The following SPAG17 variants were observed in gnomAD, a reference collection of about 807,000 sequenced individuals.
SPAG17 encodes sperm-associated antigen 17.
In SPAG17, 169 loss-of-function variants were observed where a neutral mutation model predicts 273.6. That is an observed-to-expected ratio of 0.62 (90% CI 0.55 to 0.70). SPAG17 has a LOEUF of 0.70. Ranked by LOEUF, SPAG17 falls within the 30% of genes least tolerant of loss-of-function variation. The probability of loss-of-function intolerance (pLI) is 0.00; values close to 1 mark genes in which losing one functional copy is unlikely to be tolerated. For missense variants in SPAG17, 2,557 were observed against 2,627.8 expected, an observed-to-expected ratio of 0.97 and a Z score of 0.59; for synonymous variants, 825 against 873.2, an observed-to-expected ratio of 0.94 and a Z score of 0.97.
chr1:118,023,599 G>T, intron 27 of SPAG17, 136 bp from the exon 28 acceptor site: 1 of 647,760 alleles, frequency 1.5e-6, no homozygotes, highest in Non-Finnish European at 2.4e-6. Context: ...TCCAGACCCA[G>T]CAGCACAAAG....
intron 4 of SPAG17, among the ~76,000 whole-genome samples, chr1:118,103,947 G>A (rs773276852): frequency 6.6e-6 from 1 of 151,972 alleles, no homozygotes; most frequent in Non-Finnish European, 1.5e-5. Context: ...AATTAGCAGT[G>A]GAGGTGCAGA....
intron 1 of SPAG17, among the ~76,000 whole-genome samples, chr1:118,155,821 T>G (rs1345770360): frequency 6.6e-6 from 1 of 152,206 alleles, no homozygotes; most frequent in Non-Finnish European, 1.5e-5. Flanking sequence ...GGACAGGGAT[T>G]TGTGAATGTC....
intron 1 of SPAG17, among the ~76,000 whole-genome samples, chr1:118,173,043 A>T (rs910863568): frequency 6.6e-6 from 1 of 152,064 alleles, no homozygotes; most frequent in Non-Finnish European, 1.5e-5. Flanking sequence ...GAAAAAGAAA[A>T]TCAGAATTTA....
At chr1:117,990,788 C>T (rs1352871046) in intron 38 of SPAG17, 73 bp downstream of exon 38, 6 of 952,344 alleles carry the variant, frequency 6.3e-6, no homozygotes, top group African/African-American at 1.7e-5. Flanking sequence ...AAGAGAATGA[C>T]CGATAAGTGT....
intron 32 of SPAG17, among the ~76,000 whole-genome samples, chr1:118,002,317 G>A (rs1191283318): frequency 3.3e-5 from 5 of 152,176 alleles, no homozygotes; most frequent in African/African-American, 1.2e-4. Context: ...GGGGCGGAGA[G>A]TTCTGTAGAT....
At chr1:117,970,186 G>A in intron 45 of SPAG17, 70 bp from the exon 46 acceptor site, 1 of 1,467,698 alleles carries the variant, frequency 6.8e-7, no homozygotes, top group Non-Finnish European at 9.3e-7. Context: ...AAGCTGGGAT[G>A]TTATAAAATA....
intron 28 of SPAG17, among the ~76,000 whole-genome samples, chr1:118,018,529 C>T (rs1660181457): frequency 6.6e-6 from 1 of 152,066 alleles, no homozygotes; most frequent in Non-Finnish European, 1.5e-5. Flanking sequence ...AGCCAAAGTC[C>T]TTTATAAAGA....
At chr1:117,986,892 A>G (rs1656475180) in intron 40 of SPAG17, among the ~76,000 whole-genome samples, 1 of 152,098 alleles carries the variant, frequency 6.6e-6, no homozygotes, top group South Asian at 2.1e-4. Flanking sequence ...GGATTTTCTG[A>G]CCTTCCCCTG....
At position 117,981,330 on chromosome 1, in the gene SPAG17, C is replaced by T. The variant is rs369141183; in HGVS notation, c.5944G>A (p.Ala1982Thr). The T allele has an allele frequency of 6.2e-7, 1 of 1,602,138 alleles. No homozygotes were observed. The highest frequency in any genetic ancestry group is 1.8e-5 in the Admixed American group (1 of 55,846). ...TGAGCAGTGAAATCCTTCTTATCTG[C>T]AGAAATCTCTGGTTTTGGAAGACTA... ...VPSLPKPEIS[A>T]DKKDFTAQNQ... Residue 1982 changes from alanine (A) to threonine (T), a missense_variant, in exon 43 of 49, where the codon GCA becomes ACA. Coordinates refer to ENST00000336338, the MANE Select transcript of SPAG17 (RefSeq NM_206996.4).
At chr1:118,157,289 A>G (rs527507962) in intron 1 of SPAG17, among the ~76,000 whole-genome samples, 3 of 152,160 alleles carry the variant, frequency 2.0e-5, no homozygotes, top group Non-Finnish European at 4.4e-5. Context: ...AAGCAGATTT[A>G]TTCCCTCTAT....
At chr1:118,025,890 C>G (rs1239341683) in intron 26 of SPAG17, among the ~76,000 whole-genome samples, 1 of 152,136 alleles carries the variant, frequency 6.6e-6, no homozygotes, top group African/African-American at 2.4e-5. Flanking sequence ...TTGTTACATT[C>G]AAAGGTAGTA....
At chr1:118,031,059 C>T (rs746074950) in intron 25 of SPAG17, among the ~76,000 whole-genome samples, 18 of 151,792 alleles carry the variant, frequency 1.2e-4, no homozygotes, top group Non-Finnish European at 2.6e-4. Context: ...CTCCCACCAA[C>T]AGTGGAAAAG....
In SPAG17 at chr1:118,081,265, A is replaced by G; in HGVS notation, c.2045T>C (p.Val682Ala). Residue 682 changes from valine to alanine, a missense_variant, in exon 15 of 49, where the codon GTG (valine) becomes GCG (alanine). By Grantham distance (64) the Val-to-Ala change is moderately conservative (BLOSUM62 0). Transcript: ENST00000336338. ...LFVDQNLSMS[V>A]QDNESNREPS... Reference sequence around the variant, plus strand: ...TTCTCGGTTGCTTTCATTATCTTGCACAGACATTGACAAATTCTGATCCAC... The same window carrying G: ...TTCTCGGTTGCTTTCATTATCTTGCGCAGACATTGACAAATTCTGATCCAC... 1 of 1,614,090 alleles carries G rather than the reference A, an allele frequency of 6.2e-7. No individual in the cohort carries two copies.
At chr1:118,063,573 C>A (rs1652592169) in intron 18 of SPAG17, among the ~76,000 whole-genome samples, 1 of 152,248 alleles carries the variant, frequency 6.6e-6, no homozygotes, top group East Asian at 1.9e-4. Flanking sequence ...ACACCTGATA[C>A]AAAAATTAAG....
Position 117,966,620 on chromosome 1 carries a change from G to T in SPAG17, c.6521C>A (p.Pro2174His), listed in dbSNP as rs1204465145. The T allele has an allele frequency of 6.2e-7, 1 of 1,610,088 alleles. No individual in the cohort carries two copies. The highest frequency in any genetic ancestry group is 1.1e-5 in the South Asian group (1 of 90,074). ...IMTEHEVLFLPVEATVLTSSN... is the reference protein window; with the variant it reads ...IMTEHEVLFLHVEATVLTSSN... ...ACTTTAAAGGATATTTGCTTCCACA[G>T]GTAGGAACAGAACCTCATGCTCTGT... Residue 2174 changes from proline to histidine, a missense_variant, in exon 47 of 49, where the codon CCT becomes CAT. By Grantham distance (77) the Pro-to-His change is moderately conservative. Coordinates refer to ENST00000336338, the MANE Select transcript of SPAG17 (RefSeq NM_206996.4).
intron 48 of SPAG17, among the ~76,000 whole-genome samples, chr1:117,956,831 A>C (rs928614155): frequency 6.6e-6 from 1 of 152,192 alleles, no homozygotes; most frequent in African/African-American, 2.4e-5. Context: ...ATCTGGAAGG[A>C]AAAAAAGTTA....
chr1:117,959,552 G>T (rs1307655233), intron 48 of SPAG17: 11 of 1,230,954 alleles, frequency 8.9e-6, no homozygotes, highest in Non-Finnish European at 1.2e-5. Flanking sequence ...AATAACAGAA[G>T]ATCGCATTGC....
In SPAG17 at chr1:117,963,897, A is replaced by T; in HGVS notation, c.6574T>A (p.Phe2192Ile). Residue 2192 changes from phenylalanine (F) to isoleucine (I), a missense_variant, in exon 48 of 49, where the codon TTT becomes ATT. Physicochemically the swap from Phe to Ile is conservative, Grantham distance 21. Coordinates refer to ENST00000336338, the MANE Select transcript of SPAG17 (RefSeq NM_206996.4). Reference protein sequence around the residue: ...SSNYDKRPKDFPQGKENPMVQ... With the variant: ...SSNYDKRPKDIPQGKENPMVQ... ...ATTGGATTTTCTTTTCCCTGGGGAAAGTCTTTTGGTCGTTTATCATAATTG... is the reference window on the plus strand; with the variant it reads ...ATTGGATTTTCTTTTCCCTGGGGAATGTCTTTTGGTCGTTTATCATAATTG... 6.2e-7 allele frequency: 1 copy of T among 1,613,982 alleles called. No individual in the cohort carries two copies. The highest frequency in any genetic ancestry group is 8.5e-7 in the Non-Finnish European group (1 of 1,179,910).
Position 118,008,094 on chromosome 1 carries a change from T to C in SPAG17, c.4537A>G (p.Thr1513Ala). The change falls in exon 31 of 49, where the codon ACC (threonine) becomes GCC (alanine). Residue 1513 changes from threonine (T) to alanine (A), a missense_variant. Coordinates refer to ENST00000336338, the MANE Select transcript of SPAG17 (RefSeq NM_206996.4). ...ATAATAGTTGTTCCATCTCCAAAGG[T>C]GGCACAGCAGCTACTGTCCTCACAG... ...ANCEDSSCCA[T>A]FGDGTTIIAK... is the part of the protein sequence containing the mutation. 4 of 1,614,014 alleles carry C rather than the reference T, an allele frequency of 2.5e-6. No homozygotes were observed. Among genetic ancestry groups the C allele is most frequent in the South Asian group, 1.1e-5 (1 of 91,076 alleles).
Sources: gnomAD v4.1 joint callset for allele counts (sites outside exome capture counted in the v4.1 genomes callset) on GRCh38, gnomAD v4.1.1 for gene constraint, MANE v1.5 for transcripts, NCBI Gene and HGNC (gene_info 2026-07-23, HGNC 2026-07-21) for gene names.